ARHGAP42: variants seen among roughly 807,000 people sequenced by gnomAD.
ARHGAP42 encodes Rho GTPase activating protein 42.
Under a neutral mutation model 125.0 loss-of-function variants are expected in ARHGAP42, and 63 were observed. The ratio of observed to expected loss-of-function variants is 0.50; its 90% CI spans 0.41 to 0.62. ARHGAP42 has a LOEUF of 0.62. Among genes scored for constraint, ARHGAP42 ranks in the 20% least tolerant of loss-of-function variants. The pLI, the probability that ARHGAP42 is intolerant of heterozygous loss-of-function variation, is 0.00. For missense variants in ARHGAP42, 766 were observed against 1,024.2 expected, an observed-to-expected ratio of 0.75 and a Z score of 3.44; for synonymous variants, 339 against 351.0, an observed-to-expected ratio of 0.97 and a Z score of 0.38.
chr11:100,882,080 T>C (rs966483867), intron 4 of ARHGAP42, among the ~76,000 whole-genome samples: 1 of 152,226 alleles, frequency 6.6e-6, no homozygotes, highest in African/African-American at 2.4e-5. Flanking sequence ...GGATGCCCTT[T>C]ACTTCTTTCT....
chr11:100,903,345 A>G (rs1028816241), intron 4 of ARHGAP42, among the ~76,000 whole-genome samples: 1 of 151,686 alleles, frequency 6.6e-6, no homozygotes, highest in Admixed American at 6.6e-5. Context: ...TAAGTAGTCT[A>G]TGTTATGCCT....
chr11:100,846,057 TGGTAACTA>T (rs1333094071), intron 3 of ARHGAP42, among the ~76,000 whole-genome samples: 3 of 152,200 alleles, frequency 2.0e-5, no homozygotes, highest in African/African-American at 7.2e-5. Flanking sequence ...ATTTCCAAAA[TGGTAACTA>T]GAGTTTACAA....
chr11:100,706,049 G>A (rs200817634), intron 1 of ARHGAP42, among the ~76,000 whole-genome samples: 6 of 146,652 alleles, frequency 4.1e-5, no homozygotes, highest in South Asian at 2.2e-4. Flanking sequence ...GTGCGATCTC[G>A]GCTCACTGCA....
intron 3 of ARHGAP42, among the ~76,000 whole-genome samples, chr11:100,820,944 CT>C (rs1225287210): frequency 1.4e-5 from 2 of 143,530 alleles, no homozygotes; most frequent in South Asian, 4.3e-4. Context: ...TGTGGGTCAT[CT>C]TTTTTTGTTT....
chr11:100,785,352 G>A (rs536090), intron 2 of ARHGAP42, among the ~76,000 whole-genome samples: 76,333 of 152,012 alleles, frequency 0.5, 20,001 homozygotes, highest in South Asian at 0.63. Flanking sequence ...TGGGTTCTTG[G>A]TAGAAAGACG....
intron 6 of ARHGAP42, among the ~76,000 whole-genome samples, chr11:100,926,060 T>A (rs1157402399): frequency 1.3e-5 from 2 of 152,122 alleles, no homozygotes; most frequent in Non-Finnish European, 2.9e-5. Flanking sequence ...TCAGAAGAAT[T>A]TCATGGTACA....
intron 3 of ARHGAP42, among the ~76,000 whole-genome samples, chr11:100,852,375 A>G (rs11224488): frequency 0.076 from 11,549 of 152,274 alleles, 650 homozygotes; most frequent in African/African-American, 0.15. Flanking sequence ...TTAAACTTGC[A>G]AAGGCTATCA....
intron 1 of ARHGAP42, among the ~76,000 whole-genome samples, chr11:100,708,513 AAAAAC>A (rs1861512889): frequency 6.6e-6 from 1 of 152,160 alleles, no homozygotes; most frequent in Non-Finnish European, 1.5e-5. Flanking sequence ...GACCTGTCTC[AAAAAC>A]AAAACAAAAC....
At chr11:100,814,873 C>A (rs902703545) in intron 3 of ARHGAP42, among the ~76,000 whole-genome samples, 4 of 152,184 alleles carry the variant, frequency 2.6e-5, no homozygotes, top group African/African-American at 9.7e-5. Context: ...AGATCCAAAC[C>A]ATATCACTTA....
chr11:100,880,246 C>T (rs969390309), intron 4 of ARHGAP42, among the ~76,000 whole-genome samples: 1 of 152,166 alleles, frequency 6.6e-6, no homozygotes, highest in Non-Finnish European at 1.5e-5. Context: ...TTTTATCCCT[C>T]ACCCCATTCC....
intron 12 of ARHGAP42, among the ~76,000 whole-genome samples, chr11:100,953,750 A>G (rs974835710): frequency 6.6e-6 from 1 of 152,222 alleles, no homozygotes; most frequent in Non-Finnish European, 1.5e-5. Flanking sequence ...AAAATAAAAT[A>G]TTGGTCAATG....
intron 2 of ARHGAP42, among the ~76,000 whole-genome samples, chr11:100,784,520 T>C (rs1863387725): frequency 6.6e-6 from 1 of 152,122 alleles, no homozygotes; most frequent in African/African-American, 2.4e-5. Flanking sequence ...ATTGGATATA[T>C]GGAAGGAAGG....
intron 3 of ARHGAP42, among the ~76,000 whole-genome samples, chr11:100,837,597 A>G (rs191114766): frequency 6.7e-6 from 1 of 149,348 alleles, no homozygotes; most frequent in East Asian, 2.0e-4. Context: ...GAAGGCATGG[A>G]ATATTTTATA....
At chr11:100,878,510 A>G (rs543954029) in intron 4 of ARHGAP42, among the ~76,000 whole-genome samples, 1 of 152,296 alleles carries the variant, frequency 6.6e-6, no homozygotes, top group South Asian at 2.1e-4. Context: ...TCTCCCAGGG[A>G]CCTGCTTTAA....
intron 10 of ARHGAP42, among the ~76,000 whole-genome samples, chr11:100,945,230 G>T (rs1174938257): frequency 6.6e-6 from 1 of 152,000 alleles, no homozygotes; most frequent in Non-Finnish European, 1.5e-5. Flanking sequence ...TTTCTAGAAG[G>T]CTCCACTTCT....
At chr11:100,870,059 C>G (rs565573134) in intron 4 of ARHGAP42, among the ~76,000 whole-genome samples, 1 of 152,266 alleles carries the variant, frequency 6.6e-6, no homozygotes, top group African/African-American at 2.4e-5. Flanking sequence ...TTCTTGACAT[C>G]TATGTGAAAG....
chr11:100,900,844 A>G (rs757007367), intron 4 of ARHGAP42, among the ~76,000 whole-genome samples: 8 of 151,988 alleles, frequency 5.3e-5, no homozygotes, highest in Non-Finnish European at 1.0e-4. Context: ...ATGTTCCTTT[A>G]GCTCAGAGAA....
rs138285913 is a variant in ARHGAP42, at chr11:100,800,440, A to G, written c.312+5274A>G. Reference sequence around the variant, plus strand: ...GATTAGGATGTAGCTGAGCTGGGAGACAGGCCTTAGGAATCCAGAAAGCTG... The same window carrying G: ...GATTAGGATGTAGCTGAGCTGGGAGGCAGGCCTTAGGAATCCAGAAAGCTG... On this transcript the variant is annotated intron_variant, in intron 3 of 23. Coordinates refer to ENST00000298815, the MANE Select transcript of ARHGAP42 (RefSeq NM_152432.4). Among the ~76,000 whole-genome samples, 336 of 152,188 alleles carry G rather than the reference A, an allele frequency of 2.2e-3. 2 individuals carry two copies. Among genetic ancestry groups the G allele is most frequent in the African/African-American group, 7.7e-3 (318 of 41,522 alleles).
At chr11:100,779,829 C>T (rs935607916) in intron 2 of ARHGAP42, among the ~76,000 whole-genome samples, 3 of 151,544 alleles carry the variant, frequency 2.0e-5, no homozygotes, top group Non-Finnish European at 4.4e-5. Context: ...AGTTCGAGAC[C>T]TGCCTGGCCA....
Sources: allele counts gnomAD v4.1 joint callset (sites outside exome capture counted in the v4.1 genomes callset), GRCh38; gene constraint gnomAD v4.1.1; transcripts MANE v1.5; gene names NCBI Gene and HGNC (gene_info 2026-07-23, HGNC 2026-07-21).